EDNRB: variants seen among roughly 807,000 people sequenced by gnomAD.
The protein encoded by EDNRB is endothelin receptor type B.
In EDNRB, 18 loss-of-function variants were observed where a neutral mutation model predicts 46.4. The ratio of observed to expected loss-of-function variants is 0.39; its 90% CI spans 0.27 to 0.57. EDNRB has a LOEUF of 0.57. EDNRB is among the 20% of genes least tolerant of loss of function. The pLI, the probability that EDNRB is intolerant of heterozygous loss-of-function variation, is 0.61. For missense variants in EDNRB, 434 were observed against 537.5 expected (o/e 0.81, Z 1.90); for synonymous variants, 213 against 204.9 (o/e 1.04, Z -0.34).
At chr13:77,951,250 G>GTT (rs145985275) in intron 1 of EDNRB, among the ~76,000 whole-genome samples, 4 of 151,712 alleles carry the variant, frequency 2.6e-5, no homozygotes, top group South Asian at 2.1e-4. Context: ...GGAAAGAAGT[G>GTT]TTTTTTTTGT....
At chr13:77,942,467 C>T (rs1448848936) in intron 1 of EDNRB, among the ~76,000 whole-genome samples, 1 of 152,064 alleles carries the variant, frequency 6.6e-6, no homozygotes, top group Non-Finnish European at 1.5e-5. Context: ...ATCCAGAGCC[C>T]ACACATTAGC....
chr13:77,929,891 A>G (rs1880340629), intron 1 of EDNRB, among the ~76,000 whole-genome samples: 1 of 152,214 alleles, frequency 6.6e-6, no homozygotes, highest in South Asian at 2.1e-4. Flanking sequence ...ATCATTCAGT[A>G]TAGTGCGTGG....
chr13:77,919,397 C>A, upstream of EDNRB: 2 of 1,609,260 alleles, frequency 1.2e-6, no homozygotes, highest in Non-Finnish European at 1.7e-6. Flanking sequence ...GAATGTTTAC[C>A]TCTCGGATCT....
chr13:77,897,562 T>G lies in EDNRB; in HGVS notation c.*638A>C, dbSNP rs958525925. On this transcript the variant is annotated 3_prime_UTR_variant, in exon 7 of 7. Coordinates refer to ENST00000646607, the MANE Select transcript of EDNRB (RefSeq NM_001122659.3). ...GACATGTTGGTTACATATTGCAGAA[T>G]GCTGAGGTTTGGGCTTCTAGTGAAA... 1 of 985,164 alleles carries G rather than the reference T, an allele frequency of 1.0e-6. No individual in the cohort carries two copies. Among genetic ancestry groups the G allele is most frequent in the African/African-American group, 1.7e-5 (1 of 57,200 alleles). The allele number at this position is 985,164 out of a possible 1,614,324, so 61.0% of individuals were successfully genotyped here. A position where few individuals can be genotyped will look rare whatever the true frequency, so the allele number is the denominator to read the frequency against.
In EDNRB at chr13:77,896,526, C is replaced by A; in HGVS notation, c.*1674G>T. On this transcript the variant is annotated 3_prime_UTR_variant, in exon 7 of 7. Coordinates refer to ENST00000646607, the MANE Select transcript of EDNRB (RefSeq NM_001122659.3). Reference sequence around the variant, plus strand: ...CACATTCAATATTGACAGAAAACAACATTACTAGCTTATTTCCAACATGTG... The same window carrying A: ...CACATTCAATATTGACAGAAAACAAAATTACTAGCTTATTTCCAACATGTG... 6.3e-7 allele frequency: 1 copy of A among 1,575,196 alleles called. No homozygotes were observed. Among genetic ancestry groups the A allele is most frequent in the Non-Finnish European group, 8.6e-7 (1 of 1,158,208 alleles).
chr13:77,928,770 G>T (rs1366045292), intron 1 of EDNRB, among the ~76,000 whole-genome samples: 2 of 152,102 alleles, frequency 1.3e-5, no homozygotes, highest in African/African-American at 4.8e-5. Flanking sequence ...TTGCTCTAGG[G>T]ATAAGAAGCA....
chr13:77,925,783 G>A (rs985594053), intron 1 of EDNRB, among the ~76,000 whole-genome samples: 1 of 152,088 alleles, frequency 6.6e-6, no homozygotes, highest in African/African-American at 2.4e-5. Context: ...GAGGGCCACC[G>A]TCCTCCAGAC....
chr13:77,919,023 T>C, upstream of EDNRB: 1 of 654,244 alleles, frequency 1.5e-6, no homozygotes, highest in Non-Finnish European at 2.1e-6. Context: ...GCCAAGGGCT[T>C]GTGTCAAGCT....
chr13:77,922,323 A>C (rs1451527672), upstream of EDNRB, among the ~76,000 whole-genome samples: 1 of 152,206 alleles, frequency 6.6e-6, no homozygotes, highest in East Asian at 1.9e-4. Flanking sequence ...GGTTTAATGC[A>C]ATTCGGAATT....
intron 1 of EDNRB, among the ~76,000 whole-genome samples, chr13:77,968,314 G>A (rs1471826491): frequency 6.6e-6 from 1 of 151,926 alleles, no homozygotes; most frequent in Admixed American, 6.6e-5. Flanking sequence ...TTTATATTAA[G>A]TAAATAATAA....
At chr13:77,938,477 A>G (rs1349003288) in intron 1 of EDNRB, among the ~76,000 whole-genome samples, 1 of 149,218 alleles carries the variant, frequency 6.7e-6, no homozygotes. Flanking sequence ...CTAAGGGTGA[A>G]GGAGAAGGGG....
chr13:77,900,119 GTC>G, intron 5 of EDNRB, 152 bp from the exon 6 acceptor site: 1 of 724,504 alleles, frequency 1.4e-6, no homozygotes, highest in African/African-American at 1.7e-5. Flanking sequence ...TTCTCTGCCT[GTC>G]TCTGTCTGTG....
At chr13:77,925,106 A>G (rs1362751172) in intron 1 of EDNRB, among the ~76,000 whole-genome samples, 1 of 152,202 alleles carries the variant, frequency 6.6e-6, no homozygotes, top group East Asian at 1.9e-4. Context: ...GCTTCTATGA[A>G]TTTGACTACT....
intron 3 of EDNRB, 31 bp from the exon 4 acceptor site, chr13:77,901,238 T>G (rs750721433): frequency 6.2e-7 from 1 of 1,604,528 alleles, no homozygotes; most frequent in East Asian, 2.3e-5. Flanking sequence ...TTACGATTAA[T>G]ACTCCTCTGT....
chr13:77,925,860 G>C (rs1225274613), intron 1 of EDNRB, among the ~76,000 whole-genome samples: 1 of 152,138 alleles, frequency 6.6e-6, no homozygotes, highest in Non-Finnish European at 1.5e-5. Context: ...AATCAATGCC[G>C]GCCCACGAAA....
chr13:77,971,743 T>C (rs985865620), intron 1 of EDNRB, among the ~76,000 whole-genome samples: 3 of 152,246 alleles, frequency 2.0e-5, no homozygotes, highest in African/African-American at 4.8e-5. Flanking sequence ...TGGTATTCCT[T>C]GCAGGACTCC....
chr13:77,899,874 G>C lies in EDNRB; in HGVS notation c.1179C>G (p.Phe393Leu), dbSNP rs772345263. 6.2e-7 allele frequency: 1 copy of C among 1,611,442 alleles called. No homozygotes were observed. Among genetic ancestry groups the C allele is most frequent in the South Asian group, 1.1e-5 (1 of 91,034 alleles). The change falls in exon 6 of 7, where the codon TTC becomes TTG. Residue 393 changes from phenylalanine (F) to leucine (L), a missense_variant. Physicochemically the swap from Phe to Leu is conservative, Grantham distance 22. Coordinates refer to ENST00000646607, the MANE Select transcript of EDNRB (RefSeq NM_001122659.3). ...AGTCTCTTACCTTAAAGCAGTTTTT[G>C]AATCTTTTGCTCACCAAATACAGAG... ...PIALYLVSKRFKNCFKSCLCC... is the reference protein window; with the variant it reads ...PIALYLVSKRLKNCFKSCLCC...
At chr13:77,921,894 A>AT (rs35743336), upstream of EDNRB, among the ~76,000 whole-genome samples, 107 of 151,398 alleles carry the variant, frequency 7.1e-4, 1 homozygote, top group Non-Finnish European at 1.2e-3. Flanking sequence ...CTAGGCCAAT[A>AT]TTTTTTTTTA....
chr13:77,951,787 G>T (rs1168178963), intron 1 of EDNRB, among the ~76,000 whole-genome samples: 1 of 152,082 alleles, frequency 6.6e-6, no homozygotes, highest in Admixed American at 6.6e-5. Context: ...ATTGAGAGGA[G>T]GCTTTAACCC....
Sources: gnomAD v4.1 joint callset for allele counts (sites outside exome capture counted in the v4.1 genomes callset) on GRCh38, gnomAD v4.1.1 for gene constraint, MANE v1.5 for transcripts, NCBI Gene and HGNC (gene_info 2026-07-23, HGNC 2026-07-21) for gene names.